ASPHD2: variants seen among roughly 807,000 people sequenced by gnomAD.
The protein encoded by ASPHD2 is aspartate beta-hydroxylase domain containing 2.
ASPHD2 carries 12 observed loss-of-function variants against 34.6 expected under a neutral mutation model. The ratio of observed to expected loss-of-function variants is 0.35; its 90% CI spans 0.22 to 0.56. ASPHD2 has a LOEUF of 0.56. ASPHD2 is among the 20% of genes least tolerant of loss of function. The probability of loss-of-function intolerance (pLI) is 0.87; values close to 1 mark genes in which losing one functional copy is unlikely to be tolerated. For synonymous variants in ASPHD2, 224 were observed against 212.2 expected (o/e 1.06, Z -0.48); for missense variants, 375 against 505.0 (o/e 0.74, Z 2.47).
intron 2 of ASPHD2, among the ~76,000 whole-genome samples, chr22:26,440,736 G>A (rs756370057): frequency 2.0e-5 from 3 of 152,206 alleles, no homozygotes; most frequent in Non-Finnish European, 4.4e-5. Context: ...GGCAGACGAA[G>A]AGCACGCCAT....
intron 3 of ASPHD2, 73 bp from the exon 4 acceptor site, chr22:26,443,024 A>G (rs1399189648): frequency 1.1e-5 from 13 of 1,138,394 alleles, no homozygotes; most frequent in Non-Finnish European, 1.7e-5. Context: ...CGTAGGGTCC[A>G]GCCCTGCCTG....
intron 3 of ASPHD2, among the ~76,000 whole-genome samples, chr22:26,442,874 A>G (rs2084862126): frequency 6.6e-6 from 1 of 152,114 alleles, no homozygotes; most frequent in South Asian, 2.1e-4. Context: ...ATTCCCACTT[A>G]AAGATCCCTC....
At position 26,443,081 on chromosome 22, in the gene ASPHD2, C is replaced by A; in HGVS notation, c.1001-16C>A. Reference sequence around the variant, plus strand: ...GGTGGTTTGAACCTGTCCTCTCACCCCTCCTTCCCCCCCAGGTTCAGCAGA... The same window carrying A: ...GGTGGTTTGAACCTGTCCTCTCACCACTCCTTCCCCCCCAGGTTCAGCAGA... On this transcript the variant is annotated splice_polypyrimidine_tract_variant and intron_variant, in intron 3 of 3. Transcript: ENST00000215906. The A allele has an allele frequency of 6.2e-7, 1 of 1,601,422 alleles. No individual in the cohort carries two copies. The highest frequency in any genetic ancestry group is 1.1e-5 in the South Asian group (1 of 90,850).
intron 2 of ASPHD2, among the ~76,000 whole-genome samples, chr22:26,441,577 G>T (rs190098104): frequency 4.0e-5 from 6 of 150,266 alleles, no homozygotes; most frequent in African/African-American, 1.5e-4. Flanking sequence ...ATCTCTTGAG[G>T]TCAGGAGTTC....
Position 26,443,329 on chromosome 22 carries a change from T to C in ASPHD2, c.*123T>C. 1.3e-6 allele frequency: 1 copy of C among 767,622 alleles called. No homozygotes were observed. Among genetic ancestry groups the C allele is most frequent in the Non-Finnish European group, 2.2e-6 (1 of 462,436 alleles). 47.6% of individuals were successfully genotyped at this position (767,622 alleles called of 1,614,324 possible). A position where few individuals can be genotyped will look rare whatever the true frequency, so the allele number is the denominator to read the frequency against. The stretch of plus-strand genomic sequence containing the variant: ...GAAACCTGCCTCAGCGGAAAGCTCT[T>C]ATTTGGGATTTTATATCATGTCGGG... On this transcript the variant is annotated 3_prime_UTR_variant, in exon 4 of 4. Transcript: ENST00000215906.
rs75079091 is a variant in ASPHD2 at position 26,443,093 on chromosome 22, C to A, written c.1001-4C>A. On this transcript the variant is annotated splice_region_variant and splice_polypyrimidine_tract_variant and intron_variant, in intron 3 of 3. Coordinates refer to ENST00000215906, the MANE Select transcript of ASPHD2 (RefSeq NM_020437.5). ...CTGTCCTCTCACCCCTCCTTCCCCCCCAGGTTCAGCAGAGGATGGCCCACG... is the reference window on the plus strand; with the variant it reads ...CTGTCCTCTCACCCCTCCTTCCCCCACAGGTTCAGCAGAGGATGGCCCACG... 3.1e-3 allele frequency: 5,003 copies of A among 1,612,032 alleles called. 19 individuals carry two copies. Among genetic ancestry groups the A allele is most frequent in the Non-Finnish European group, 3.8e-3 (4,450 of 1,178,098 alleles).
Position 26,444,893 on chromosome 22 carries a change from A to AAGTTGTGGTTT in ASPHD2, c.*1687_*1688insAGTTGTGGTTT, listed in dbSNP as rs2084901554. ...AATCACTGAGGTGCATGATTTCTAC[A>AAGTTGTGGTTT]CATCGTGACTGCTCTGCTCTGCGTT... On this transcript the variant is annotated 3_prime_UTR_variant, in exon 4 of 4. Transcript: ENST00000215906. The AAGTTGTGGTTT allele has an allele frequency of 6.6e-6, 1 of 152,254 alleles. No homozygotes were observed. The highest frequency in any genetic ancestry group is 1.5e-5 in the Non-Finnish European group (1 of 68,048). The allele number at this position is 152,254 out of a possible 1,614,324, so 9.4% of individuals were successfully genotyped here. A position where few individuals can be genotyped will look rare whatever the true frequency, so the allele number is the denominator to read the frequency against.
chr22:26,441,870 C>T (rs564781306), intron 2 of ASPHD2, among the ~76,000 whole-genome samples: 1 of 152,118 alleles, frequency 6.6e-6, no homozygotes, highest in African/African-American at 2.4e-5. Flanking sequence ...TTCCAGTGAG[C>T]CAGGATCGCG....
intron 2 of ASPHD2, among the ~76,000 whole-genome samples, chr22:26,441,949 G>A (rs976071250): frequency 6.7e-6 from 1 of 148,644 alleles, no homozygotes; most frequent in African/African-American, 2.5e-5. Flanking sequence ...AAAATTAGCC[G>A]GGTGAGGTGG....
At chr22:26,432,211 G>A (rs994865435) in intron 1 of ASPHD2, among the ~76,000 whole-genome samples, 2 of 152,144 alleles carry the variant, frequency 1.3e-5, no homozygotes, top group African/African-American at 4.8e-5. Flanking sequence ...AAAAGAAACA[G>A]GCTTAGGAAA....
At chr22:26,440,509 T>G (rs2084829348) in intron 2 of ASPHD2, among the ~76,000 whole-genome samples, 1 of 151,954 alleles carries the variant, frequency 6.6e-6, no homozygotes, top group South Asian at 2.1e-4. Flanking sequence ...TTTTGGATAA[T>G]TAGTAGAGAG....
chr22:26,443,316 A>G lies in ASPHD2; in HGVS notation c.*110A>G, dbSNP rs2084870630. 2.3e-6 allele frequency: 2 copies of G among 851,122 alleles called. No individual in the cohort carries two copies. The highest frequency in any genetic ancestry group is 2.2e-5 in the Admixed American group (1 of 46,250). The allele number at this position is 851,122 out of a possible 1,614,324, so 52.7% of individuals were successfully genotyped here. ...GTTTCCATGCTCAGAAACCTGCCTC[A>G]GCGGAAAGCTCTTATTTGGGATTTT... On this transcript the variant is annotated 3_prime_UTR_variant, in exon 4 of 4. Coordinates refer to ENST00000215906, the MANE Select transcript of ASPHD2 (RefSeq NM_020437.5).
In ASPHD2 at chr22:26,442,493, G is replaced by C. The variant is rs201336246; in HGVS notation, c.921G>C (p.Val307=). The C allele has an allele frequency of 1.3e-5, 21 of 1,606,338 alleles. No homozygotes were observed. The highest frequency in any genetic ancestry group is 1.7e-5 in the Admixed American group (1 of 58,572). Residue 307 remains valine, a synonymous_variant, in exon 3 of 4, where the codon GTG becomes GTC. Transcript: ENST00000215906. The part of the protein sequence containing the change: ...LKTPNGCELV[V]GGEPQCWAEG... Reference sequence around the variant, plus strand: ...CTCCAAATGGCTGTGAGCTGGTGGTGGGGGGAGAGCCCCAGTGCTGGGCAG... The same window carrying C: ...CTCCAAATGGCTGTGAGCTGGTGGTCGGGGGAGAGCCCCAGTGCTGGGCAG...
At position 26,433,969 on chromosome 22, in the gene ASPHD2, C is replaced by A. The variant is rs747451322; in HGVS notation, c.354C>A (p.His118Gln). Residue 118 changes from histidine to glutamine, a missense_variant, in exon 2 of 4, where the codon CAC becomes CAA. This residue lies in a region of ASPHD2 where 223 missense variants were observed against 257.8 expected (regional missense o/e 0.87). Transcript: ENST00000215906. The surrounding 1 kb of genome is among the most constrained non-coding windows in gnomAD (Gnocchi z 5.1). The part of the protein sequence containing the change: ...CQSPECVRCT[H>Q]NEGLNQKLYH... ...CCCCTGAGTGCGTGCGCTGCACCCA[C>A]AACGAGGGCCTCAACCAGAAGCTGT... The A allele has an allele frequency of 1.9e-6, 3 of 1,612,898 alleles. No homozygotes were observed. The highest frequency in any genetic ancestry group is 2.5e-6 in the Non-Finnish European group (3 of 1,179,936).
In ASPHD2 at chr22:26,438,634, C is replaced by CAT. The variant is rs368513588; in HGVS notation, c.887-3815_887-3814dup. Among the ~76,000 whole-genome samples, 285 of 83,432 alleles carry CAT rather than the reference C, an allele frequency of 3.4e-3. 4 individuals carry two copies. Among genetic ancestry groups the CAT allele is most frequent in the African/African-American group, 0.013 (266 of 20,024 alleles). The allele number at this position is 83,432 out of a possible 152,430, so 54.7% of individuals were successfully genotyped here. A position where few individuals can be genotyped will look rare whatever the true frequency, so the allele number is the denominator to read the frequency against. On this transcript the variant is annotated intron_variant, in intron 2 of 3. Coordinates refer to ENST00000215906, the MANE Select transcript of ASPHD2 (RefSeq NM_020437.5). ...ATATATATATACACACATATATATA[C>CAT]ATATATATATACACATACATATATA...
chr22:26,440,643 C>G (rs568417683), intron 2 of ASPHD2, among the ~76,000 whole-genome samples: 1 of 152,022 alleles, frequency 6.6e-6, no homozygotes, highest in Admixed American at 6.6e-5. Context: ...GCCAAGCATA[C>G]GGCTTCTTAC....
Position 26,443,408 on chromosome 22 carries a change from A to G in ASPHD2, c.*202A>G. ...GAAACTTTTCGGCTTGTATTTCCTT[A>G]GATTTTTTTTTTTTCCTTCCAATCA... On this transcript the variant is annotated 3_prime_UTR_variant, in exon 4 of 4. Transcript: ENST00000215906. The G allele has an allele frequency of 1.9e-6, 1 of 531,722 alleles. No homozygotes were observed. Among genetic ancestry groups the G allele is most frequent in the Non-Finnish European group, 3.3e-6 (1 of 300,734 alleles). 32.9% of individuals were successfully genotyped at this position (531,722 alleles called of 1,614,324 possible).
At position 26,433,267 on chromosome 22, in the gene ASPHD2, A is replaced by C; in HGVS notation, c.-224-125A>C. ...GGAGTGGCAGTAGAATGGGGAGGGA[A>C]TACACAAGATTGCAAAGTGTGACCC... is the stretch of plus-strand genomic sequence containing the variant. On this transcript the variant is annotated intron_variant, in intron 1 of 3. Transcript: ENST00000215906. This position sits in a 1 kb window ranked among gnomAD's most constrained non-coding sequence, Gnocchi z 5.1. 1 of 309,346 alleles carries C rather than the reference A, an allele frequency of 3.2e-6. No individual in the cohort carries two copies. The highest frequency in any genetic ancestry group is 6.1e-6 in the Non-Finnish European group (1 of 164,658). The allele number at this position is 309,346 out of a possible 1,614,324, so 19.2% of individuals were successfully genotyped here. A position where few individuals can be genotyped will look rare whatever the true frequency, so the allele number is the denominator to read the frequency against.
chr22:26,438,510 T>TACATACATATATAC (rs1328910913), intron 2 of ASPHD2, among the ~76,000 whole-genome samples: 33,526 of 90,192 alleles, frequency 0.37, 9,125 homozygotes, highest in Middle Eastern at 0.46. Context: ...TACATATATA[T>TACATACATATATAC]ACATACATAT....
Sources: gnomAD v4.1 joint callset for allele counts (sites outside exome capture counted in the v4.1 genomes callset) on GRCh38, gnomAD v4.1.1 for gene constraint, gnomAD v4.1.1 regional missense constraint, Gnocchi (gnomAD v3.1) non-coding constraint, MANE v1.5 for transcripts, NCBI Gene and HGNC (gene_info 2026-07-23, HGNC 2026-07-21) for gene names.